Variants in PDE4D observed in about 807,000 individuals in gnomAD.
PDE4D encodes 3',5'-cyclic-AMP phosphodiesterase 4D.
In PDE4D, 24 loss-of-function variants were observed where a neutral mutation model predicts 87.4. The ratio of observed to expected loss-of-function variants is 0.27; its 90% CI spans 0.20 to 0.39. The LOEUF is 0.39. Among genes scored for constraint, PDE4D ranks in the 10% least tolerant of loss-of-function variants. PDE4D has a pLI of 1.00. For missense variants in PDE4D, 714 were observed against 1,041.0 expected (o/e 0.69, Z 4.32); for synonymous variants, 384 against 383.2 (o/e 1.00, Z -0.02).
chr5:60,418,751 G>T (rs912656392), intron 1 of PDE4D, among the ~76,000 whole-genome samples: 2 of 151,868 alleles, frequency 1.3e-5, no homozygotes, highest in Non-Finnish European at 2.9e-5. Flanking sequence ...TTACACTCTC[G>T]GTTATTTTTA....
At chr5:59,732,773 C>A (rs1300447738) in intron 1 of PDE4D, among the ~76,000 whole-genome samples, 6 of 151,948 alleles carry the variant, frequency 3.9e-5, no homozygotes, top group Non-Finnish European at 7.4e-5. Flanking sequence ...TTTAAATGAA[C>A]CTATTTATGC....
At chr5:59,633,074 A>G (rs1831779792) in intron 1 of PDE4D, among the ~76,000 whole-genome samples, 1 of 152,212 alleles carries the variant, frequency 6.6e-6, no homozygotes, top group Non-Finnish European at 1.5e-5. Context: ...ACACAGCACG[A>G]GAACATCGTG....
chr5:59,504,433 G>C (rs894650758), intron 1 of PDE4D, among the ~76,000 whole-genome samples: 1 of 152,050 alleles, frequency 6.6e-6, no homozygotes, highest in African/African-American at 2.4e-5. Flanking sequence ...GTTAAATTTG[G>C]CTAACTAGTA....
chr5:59,103,781 T>G (rs1771140955), intron 5 of PDE4D, among the ~76,000 whole-genome samples: 1 of 152,194 alleles, frequency 6.6e-6, no homozygotes, highest in African/African-American at 2.4e-5. Flanking sequence ...TTAGCTTTAT[T>G]TTGTACCTTT....
intron 1 of PDE4D, among the ~76,000 whole-genome samples, chr5:59,762,827 G>A (rs1762299197): frequency 1.8e-5 from 2 of 110,782 alleles, no homozygotes; most frequent in Admixed American, 1.0e-4. Context: ...CCTATACTAC[G>A]TACTAAAAAA....
intron 3 of PDE4D, among the ~76,000 whole-genome samples, chr5:59,946,667 G>A (rs894128864): frequency 6.6e-6 from 1 of 152,182 alleles, no homozygotes; most frequent in Non-Finnish European, 1.5e-5. Context: ...ACAGTGAGGG[G>A]CTTATTTTGC....
intron 1 of PDE4D, among the ~76,000 whole-genome samples, chr5:59,358,594 T>G (rs1220861153): frequency 5.9e-5 from 9 of 152,168 alleles, no homozygotes; most frequent in Non-Finnish European, 1.3e-4. Flanking sequence ...CTGGCAGAGT[T>G]AGCACTGAGC....
At chr5:59,370,298 T>C (rs1783748799) in intron 1 of PDE4D, among the ~76,000 whole-genome samples, 1 of 152,196 alleles carries the variant, frequency 6.6e-6, no homozygotes, top group African/African-American at 2.4e-5. Context: ...ATCCAAACTC[T>C]TTTCCATGGT....
At chr5:59,313,672 T>C (rs1158075784) in intron 1 of PDE4D, among the ~76,000 whole-genome samples, 1 of 152,080 alleles carries the variant, frequency 6.6e-6, no homozygotes, top group Non-Finnish European at 1.5e-5. Flanking sequence ...GTACAAAGTA[T>C]CCAAATCCAA....
chr5:59,901,730 T>C (rs1249201318), intron 3 of PDE4D, among the ~76,000 whole-genome samples: 1 of 152,114 alleles, frequency 6.6e-6, no homozygotes, highest in Non-Finnish European at 1.5e-5. Flanking sequence ...AGAGGACATT[T>C]TATGTCCACT....
intron 1 of PDE4D, among the ~76,000 whole-genome samples, chr5:59,379,659 AATTT>A (rs1785392638): frequency 6.6e-6 from 1 of 152,056 alleles, no homozygotes; most frequent in African/African-American, 2.4e-5. Context: ...CTAATATGAA[AATTT>A]ATTTAAACAT....
At chr5:59,830,845 A>G (rs1008276992) in intron 1 of PDE4D, among the ~76,000 whole-genome samples, 1 of 152,218 alleles carries the variant, frequency 6.6e-6, no homozygotes, top group Non-Finnish European at 1.5e-5. Flanking sequence ...TTCTTTTCTA[A>G]CTATAGAAAT....
chr5:60,392,361 T>C (rs1360798503), intron 1 of PDE4D, among the ~76,000 whole-genome samples: 2 of 152,034 alleles, frequency 1.3e-5, no homozygotes, highest in African/African-American at 2.4e-5. Flanking sequence ...ACTGTGAATA[T>C]GATTTTTGTT....
At position 59,691,292 on chromosome 5, in the gene PDE4D, T is replaced by G. The variant is rs1580448906; in HGVS notation, c.455+201876A>C. 5.9e-5 allele frequency among the ~76,000 whole-genome samples: 9 copies of G among 152,338 alleles called. 1 individual carries two copies. The South Asian group carries it at 1.7e-3, about 28-fold the overall frequency. On this transcript the variant is annotated intron_variant, in intron 1 of 14. Transcript: ENST00000340635. ...ACATGTATGTTTATTGCAGCACTAT[T>G]CACAATAGCAAAGACTTGGAACCAA...
chr5:60,119,827 A>T (rs1384017085), intron 2 of PDE4D, among the ~76,000 whole-genome samples: 1 of 152,224 alleles, frequency 6.6e-6, no homozygotes, highest in Non-Finnish European at 1.5e-5. Flanking sequence ...GTACATTCAG[A>T]TGTAAATAAA....
intron 1 of PDE4D, among the ~76,000 whole-genome samples, chr5:59,304,974 C>G (rs927232796): frequency 3.9e-5 from 6 of 152,002 alleles, no homozygotes; most frequent in African/African-American, 1.4e-4. Context: ...AGGATTGGTA[C>G]CAATTCTTTG....
chr5:59,212,734 C>T (rs1377286653), intron 2 of PDE4D, among the ~76,000 whole-genome samples: 1 of 152,094 alleles, frequency 6.6e-6, no homozygotes, highest in African/African-American at 2.4e-5. Context: ...ACTCCACTAA[C>T]TCACTGTGAG....
intron 1 of PDE4D, among the ~76,000 whole-genome samples, chr5:59,843,115 C>T (rs980724621): frequency 1.3e-5 from 2 of 151,696 alleles, no homozygotes; most frequent in Admixed American, 6.6e-5. Flanking sequence ...GGTGTAAATG[C>T]TTAAGGAAAT....
intron 1 of PDE4D, among the ~76,000 whole-genome samples, chr5:59,480,079 T>A (rs909838848): frequency 6.6e-6 from 1 of 152,068 alleles, no homozygotes; most frequent in Non-Finnish European, 1.5e-5. Context: ...TTTTTGGAGG[T>A]TGTATTTTTA....
Sources: gnomAD v4.1 joint callset for allele counts (sites outside exome capture counted in the v4.1 genomes callset) on GRCh38, gnomAD v4.1.1 for gene constraint, MANE v1.5 for transcripts, NCBI Gene and HGNC (gene_info 2026-07-23, HGNC 2026-07-21) for gene names.